TYW1B: variants seen among roughly 807,000 people sequenced by gnomAD.
TYW1B encodes the protein tRNA-yW synthesizing protein 1 homolog B, also known as S-adenosyl-L-methionine-dependent tRNA 4-demethylwyosine synthase TYW1B.
Under a neutral mutation model 86.9 loss-of-function variants are expected in TYW1B, and 73 were observed. The observed-to-expected ratio is 0.84, with a 90% CI of 0.70 to 1.02. TYW1B has a LOEUF of 1.02. Among genes scored for constraint, TYW1B ranks in the 50% least tolerant of loss-of-function variants. The pLI is 0.00. For synonymous variants in TYW1B, 248 were observed against 292.8 expected, an observed-to-expected ratio of 0.85 and a Z score of 1.56; for missense variants, 637 against 827.4, an observed-to-expected ratio of 0.77 and a Z score of 2.82.
At chr7:72,600,799 C>T (rs1554433566) in intron 13 of TYW1B, among the ~76,000 whole-genome samples, 1 of 152,026 alleles carries the variant, frequency 6.6e-6, no homozygotes, top group Non-Finnish European at 1.5e-5. Flanking sequence ...GAATTAGAGG[C>T]TGCAGTGAGC....
intron 8 of TYW1B, among the ~76,000 whole-genome samples, chr7:72,744,270 A>C (rs1467790834): frequency 3.3e-5 from 5 of 152,312 alleles, no homozygotes; most frequent in Non-Finnish European, 7.4e-5. Flanking sequence ...AAACTGTCCA[A>C]ATGGATGTTT....
At chr7:72,696,453 G>A (rs1329857259) in intron 10 of TYW1B, among the ~76,000 whole-genome samples, 4 of 151,902 alleles carry the variant, frequency 2.6e-5, no homozygotes, top group Admixed American at 1.3e-4. Context: ...TTGTTTCAAA[G>A]TCCATGCATT....
intron 13 of TYW1B, among the ~76,000 whole-genome samples, chr7:72,592,941 A>G (rs1811430880): frequency 1.3e-5 from 2 of 152,254 alleles, no homozygotes; most frequent in South Asian, 4.1e-4. Context: ...ATTCTACAAC[A>G]ATACTCAGAG....
intron 11 of TYW1B, among the ~76,000 whole-genome samples, chr7:72,680,356 A>C (rs3015919): frequency 4.6e-5 from 7 of 151,794 alleles, no homozygotes; most frequent in African/African-American, 1.5e-4. Flanking sequence ...GCAGAAGAAC[A>C]TGGAAAAACT....
At chr7:72,778,577 G>A (rs1220827466) in intron 6 of TYW1B, among the ~76,000 whole-genome samples, 1 of 152,158 alleles carries the variant, frequency 6.6e-6, no homozygotes, top group African/African-American at 2.4e-5. Flanking sequence ...AGCCTCCCAA[G>A]TAGCTGGGAC....
intron 8 of TYW1B, among the ~76,000 whole-genome samples, chr7:72,740,420 G>A (rs1301287354): frequency 1.4e-5 from 2 of 144,678 alleles, no homozygotes; most frequent in African/African-American, 2.5e-5. Flanking sequence ...AAAAAAAAGC[G>A]AAAGAAATGT....
intron 10 of TYW1B, among the ~76,000 whole-genome samples, chr7:72,712,727 G>T (rs1313036820): frequency 6.6e-6 from 1 of 152,134 alleles, no homozygotes; most frequent in Non-Finnish European, 1.5e-5. Context: ...CTAGGCTCCT[G>T]CTGCTTCTTG....
intron 12 of TYW1B, among the ~76,000 whole-genome samples, chr7:72,620,853 T>C (rs541941945): frequency 6.6e-6 from 1 of 152,220 alleles, no homozygotes; most frequent in East Asian, 1.9e-4. Context: ...AGCGTGGTGA[T>C]GGAAAAGCCA....
chr7:72,738,088 C>T (rs1209540661), intron 8 of TYW1B, among the ~76,000 whole-genome samples: 5 of 127,932 alleles, frequency 3.9e-5, no homozygotes, highest in African/African-American at 1.2e-4. Flanking sequence ...TTCTTTCTTT[C>T]TTTTTTTTTT....
chr7:72,741,690 A>C (rs1258258987), intron 8 of TYW1B, among the ~76,000 whole-genome samples: 16 of 152,202 alleles, frequency 1.1e-4, no homozygotes, highest in African/African-American at 3.9e-4. Flanking sequence ...GATATGTTAT[A>C]ATCAAACTGC....
intron 7 of TYW1B, among the ~76,000 whole-genome samples, chr7:72,751,588 G>A (rs1554465081): frequency 6.6e-6 from 1 of 152,126 alleles, no homozygotes; most frequent in East Asian, 1.9e-4. Flanking sequence ...TTTTATGACA[G>A]CTACTTTAAA....
chr7:72,659,759 C>A (rs1201642855), intron 11 of TYW1B, among the ~76,000 whole-genome samples: 1 of 151,996 alleles, frequency 6.6e-6, no homozygotes, highest in African/African-American at 2.4e-5. Flanking sequence ...AAGAAAAAAA[C>A]AATGAGAGCA....
intron 11 of TYW1B, among the ~76,000 whole-genome samples, chr7:72,666,688 T>C (rs1813469975): frequency 6.6e-6 from 1 of 152,048 alleles, no homozygotes; most frequent in Non-Finnish European, 1.5e-5. Flanking sequence ...ACTATTTTAA[T>C]TGGGAAAAAT....
chr7:72,671,610 T>C (rs537843666), intron 11 of TYW1B, among the ~76,000 whole-genome samples: 1 of 152,226 alleles, frequency 6.6e-6, no homozygotes, highest in Non-Finnish European at 1.5e-5. Flanking sequence ...TACTTACTTC[T>C]TCACTAATAT....
intron 9 of TYW1B, among the ~76,000 whole-genome samples, chr7:72,714,089 G>T (rs1554455396): frequency 2.0e-5 from 3 of 151,856 alleles, no homozygotes; most frequent in Non-Finnish European, 2.9e-5. Context: ...AATTTGCTTA[G>T]CTTTGCATTC....
intron 11 of TYW1B, among the ~76,000 whole-genome samples, chr7:72,639,717 AT>A (rs1438781916): frequency 1.3e-5 from 2 of 151,908 alleles, no homozygotes; most frequent in Non-Finnish European, 2.9e-5. Flanking sequence ...TACAAAAAAA[AT>A]AGCCAGGCGT....
intron 7 of TYW1B, chr7:72,769,086 TG>T: frequency 5.3e-6 from 2 of 377,906 alleles, no homozygotes; most frequent in Non-Finnish European, 1.0e-5. Context: ...GGCTAGTCTG[TG>T]GGATGGGCAT....
chr7:72,720,135 T>A (rs1786868719), intron 9 of TYW1B, among the ~76,000 whole-genome samples: 1 of 152,086 alleles, frequency 6.6e-6, no homozygotes, highest in African/African-American at 2.4e-5. Flanking sequence ...CAAGGTATCA[T>A]CAAGAGGGAT....
At chr7:72,664,229 C>T (rs1378400883) in intron 11 of TYW1B, among the ~76,000 whole-genome samples, 11 of 152,028 alleles carry the variant, frequency 7.2e-5, no homozygotes, top group South Asian at 2.1e-4. Flanking sequence ...CAATAATCTC[C>T]GATTTGTCAA....
Sources: allele counts gnomAD v4.1 joint callset (sites outside exome capture counted in the v4.1 genomes callset), GRCh38; gene constraint gnomAD v4.1.1; transcripts MANE v1.5; gene names NCBI Gene and HGNC (gene_info 2026-07-23, HGNC 2026-07-21).